The following SAMD8 variants were observed in gnomAD, a reference collection of about 807,000 sequenced individuals.
The protein encoded by SAMD8 is sterile alpha motif domain containing 8.
A neutral mutation model predicts 42.0 loss-of-function variants in SAMD8; 20 were observed. The observed-to-expected ratio is 0.48, with a 90% CI of 0.34 to 0.69. SAMD8 has a LOEUF of 0.69. Among genes scored for constraint, SAMD8 ranks in the 30% least tolerant of loss-of-function variants. The pLI is 0.01. For synonymous variants in SAMD8, 162 were observed against 173.0 expected (o/e 0.94, Z 0.50); for missense variants, 328 against 511.6 (o/e 0.64, Z 3.46).
chr10:75,106,673 C>T (rs979350604), upstream of SAMD8, among the ~76,000 whole-genome samples: 4 of 152,350 alleles, frequency 2.6e-5, no homozygotes, highest in South Asian at 2.1e-4. Context: ...CTATACTATT[C>T]GCAATTTGGC....
At chr10:75,142,551 C>A (rs1161889127) in intron 1 of SAMD8, among the ~76,000 whole-genome samples, 1 of 152,158 alleles carries the variant, frequency 6.6e-6, no homozygotes, top group African/African-American at 2.4e-5. Flanking sequence ...ATTCTTCTGC[C>A]TCAGCCTCCT....
At chr10:75,141,538 C>CTT (rs60925019) in intron 1 of SAMD8, among the ~76,000 whole-genome samples, 240 of 134,794 alleles carry the variant, frequency 1.8e-3, no homozygotes, top group African/African-American at 6.1e-3. Flanking sequence ...ATGCCTTTTA[C>CTT]TTTTTTTTTT....
intron 1 of SAMD8, among the ~76,000 whole-genome samples, chr10:75,124,644 A>G (rs548264482): frequency 4.0e-5 from 6 of 151,758 alleles, no homozygotes; most frequent in Admixed American, 3.9e-4. Context: ...CCTGTCAGAA[A>G]AATCTAGAGA....
intron 1 of SAMD8, chr10:75,101,956 C>A (rs1259788327): frequency 7.3e-7 from 1 of 1,367,642 alleles, no homozygotes; most frequent in South Asian, 1.1e-5. Context: ...ACACTTGATG[C>A]TGTTTCTATT....
At chr10:75,122,695 A>G (rs1849032215) in intron 1 of SAMD8, among the ~76,000 whole-genome samples, 1 of 151,894 alleles carries the variant, frequency 6.6e-6, no homozygotes. Context: ...GGAGGCTGAC[A>G]GGAATGGATG....
intron 3 of SAMD8, 152 bp from the exon 4 acceptor site, chr10:75,168,389 A>G (rs1589976078): frequency 2.0e-6 from 3 of 1,465,398 alleles, no homozygotes; most frequent in Non-Finnish European, 2.7e-6. Flanking sequence ...CTGTTGGACA[A>G]CGATGCTTTT....
chr10:75,145,868 A>G (rs185898319), intron 1 of SAMD8, among the ~76,000 whole-genome samples: 2 of 152,286 alleles, frequency 1.3e-5, no homozygotes, highest in East Asian at 1.9e-4. Context: ...AAAGCTGTTC[A>G]TGAGACCTTT....
At chr10:75,120,349 G>A (rs1026953260) in intron 1 of SAMD8, among the ~76,000 whole-genome samples, 5 of 152,094 alleles carry the variant, frequency 3.3e-5, no homozygotes, top group African/African-American at 7.2e-5. Context: ...TCGGCTCACC[G>A]CAAGCTCCGC....
chr10:75,128,377 G>GT (rs1294816231), intron 1 of SAMD8, among the ~76,000 whole-genome samples: 12 of 151,840 alleles, frequency 7.9e-5, no homozygotes, highest in Non-Finnish European at 2.9e-5. Flanking sequence ...CCGCCCTTCT[G>GT]TTTTTTTAAA....
chr10:75,180,382 G>T lies in SAMD8; in HGVS notation c.*3690G>T, dbSNP rs144366790. The T allele has an allele frequency of 1.3e-5, 2 of 152,252 alleles. No homozygotes were observed. The highest frequency in any genetic ancestry group is 4.8e-5 in the African/African-American group (2 of 41,440). The allele number at this position is 152,252 out of a possible 1,614,324, so 9.4% of individuals were successfully genotyped here. A position where few individuals can be genotyped will look rare whatever the true frequency, so the allele number is the denominator to read the frequency against. On this transcript the variant is annotated 3_prime_UTR_variant, in exon 6 of 6. Transcript: ENST00000542569. ...GTTCGAGGCCAGCCTGGCCAATGTG[G>T]TGAAACTCCGTCTCTACTAAAAATA...
chr10:75,156,570 G>A (rs1471618719), intron 2 of SAMD8, among the ~76,000 whole-genome samples: 4 of 152,038 alleles, frequency 2.6e-5, no homozygotes. Context: ...TAGCATCACA[G>A]TGGGACAAAC....
At chr10:75,132,946 A>C (rs1305351144) in intron 1 of SAMD8, among the ~76,000 whole-genome samples, 3 of 152,208 alleles carry the variant, frequency 2.0e-5, no homozygotes, top group Non-Finnish European at 4.4e-5. Context: ...CCGTGATCAC[A>C]CTACTGCACT....
rs1160291853 is a variant in SAMD8 at position 75,176,381 on chromosome 10, T to C, written c.944-7T>C. The C allele has an allele frequency of 2.6e-6, 4 of 1,558,984 alleles. No individual in the cohort carries two copies. In the South Asian group the frequency reaches 4.8e-5, roughly 19 times the overall value. ...GCTTTAAAATGATCTTTCTGTCCTT[T>C]TCCTAGATACACCAAGAAGCTGGAA... On this transcript the variant is annotated splice_region_variant and splice_polypyrimidine_tract_variant and intron_variant, in intron 5 of 5. Coordinates refer to ENST00000542569, the MANE Select transcript of SAMD8 (RefSeq NM_001174156.2). This position sits in a 1 kb window ranked among gnomAD's most constrained non-coding sequence, Gnocchi z 4.3.
At chr10:75,154,977 C>T (rs1840377857) in intron 2 of SAMD8, among the ~76,000 whole-genome samples, 2 of 152,084 alleles carry the variant, frequency 1.3e-5, no homozygotes, top group South Asian at 4.2e-4. Flanking sequence ...ACTGTAACCT[C>T]AAATTCCTAG....
chr10:75,178,202 G>T lies in SAMD8; in HGVS notation c.*1510G>T, dbSNP rs1330858626. 6.6e-6 allele frequency: 1 copy of T among 152,196 alleles called. No homozygotes were observed. Among genetic ancestry groups the T allele is most frequent in the Non-Finnish European group, 1.5e-5 (1 of 68,046 alleles). 9.4% of individuals were successfully genotyped at this position (152,196 alleles called of 1,614,324 possible). On this transcript the variant is annotated 3_prime_UTR_variant, in exon 6 of 6. Transcript: ENST00000542569. ...GTAGGAAAGGAAATTATGCAAACAA[G>T]TCTCAGCTAGTGCTGAATGACCCCA...
At chr10:75,160,958 T>C (rs758259420) in intron 2 of SAMD8, among the ~76,000 whole-genome samples, 6 of 152,028 alleles carry the variant, frequency 3.9e-5, no homozygotes, top group Admixed American at 6.6e-5. Context: ...GTCCCGGGTA[T>C]TGGGGAGTCT....
At chr10:75,111,388 G>A (rs1848763589), upstream of SAMD8, 1 of 684,866 alleles carries the variant, frequency 1.5e-6, no homozygotes, top group African/African-American at 1.9e-5. Context: ...CAGCATCTCG[G>A]TTCTCCTCTC....
chr10:75,118,606 T>A (rs753784310), intron 1 of SAMD8, among the ~76,000 whole-genome samples: 1 of 152,206 alleles, frequency 6.6e-6, no homozygotes, highest in East Asian at 1.9e-4. Flanking sequence ...ATCACGCCGC[T>A]GCATTCCAGC....
intron 1 of SAMD8, among the ~76,000 whole-genome samples, chr10:75,120,142 G>A (rs549494453): frequency 9.4e-4 from 143 of 152,354 alleles, no homozygotes; most frequent in South Asian, 3.3e-3. Flanking sequence ...ATTAAGCCCA[G>A]TGGAATAGCT....
Sources: gnomAD v4.1 joint callset for allele counts (sites outside exome capture counted in the v4.1 genomes callset) on GRCh38, gnomAD v4.1.1 for gene constraint, Gnocchi (gnomAD v3.1) non-coding constraint, MANE v1.5 for transcripts, NCBI Gene and HGNC (gene_info 2026-07-23, HGNC 2026-07-21) for gene names.